Variants in ELL3 observed in about 807,000 individuals in gnomAD.
The protein encoded by ELL3 is RNA polymerase II elongation factor ELL3.
Under a neutral mutation model 58.5 loss-of-function variants are expected in ELL3, and 48 were observed. That is an observed-to-expected ratio of 0.82 (90% CI 0.65 to 1.04). The LOEUF is 1.04. Among genes scored for constraint, ELL3 ranks in the 50% least tolerant of loss-of-function variants. ELL3 has a pLI of 0.00. For missense variants in ELL3, 458 were observed against 478.4 expected (o/e 0.96, Z 0.40); for synonymous variants, 174 against 173.2 (o/e 1.00, Z -0.04).
chr15:43,775,698 C>G (rs1415157974), intron 4 of ELL3, 24 bp downstream of exon 4: 2 of 1,613,912 alleles, frequency 1.2e-6, no homozygotes, highest in Non-Finnish European at 1.7e-6. Context: ...ATCACAACTC[C>G]CTGCAATTTC....
chr15:43,774,556 C>A (rs1302571943), intron 7 of ELL3, 38 bp from the exon 8 acceptor site: 2 of 1,613,920 alleles, frequency 1.2e-6, no homozygotes, highest in Non-Finnish European at 1.7e-6. Context: ...GATTATAAGT[C>A]TTTTCCACTG....
rs759106677 is a variant in ELL3, at chr15:43,774,825, T to C, written c.646-52A>G. 7 of 1,513,682 alleles carry C rather than the reference T, an allele frequency of 4.6e-6. No individual in the cohort carries two copies. In the African/African-American group the frequency reaches 5.6e-5, roughly 12 times the overall value. 93.8% of individuals were successfully genotyped at this position (1,513,682 alleles called of 1,614,324 possible). ...TAAACAGCCAAGAGCTTCCTAAATA[T>C]GTTCTTCTCTCAAGAATTTCTCCTA... On this transcript the variant is annotated intron_variant, in intron 6 of 10. Coordinates refer to ENST00000319359, the MANE Select transcript of ELL3 (RefSeq NM_025165.3).
Position 43,776,812 on chromosome 15 carries a change from G to C in ELL3, c.90C>G (p.Asn30Lys). 6.2e-7 allele frequency: 1 copy of C among 1,611,578 alleles called. No homozygotes were observed. Among genetic ancestry groups the C allele is most frequent in the Non-Finnish European group, 8.5e-7 (1 of 1,178,888 alleles). The change falls in exon 1 of 11, where the codon AAC (asparagine) becomes AAG (lysine). Residue 30 changes from asparagine to lysine, a missense_variant. Transcript: ENST00000319359. ...CTTGCAGCGCCCGCAGGGCAGCGTC[G>C]TTGAGCCTGAGCAGTAAGAGGCTAG... Reference protein sequence around the residue: ...ARTSLLLLRLNDAALRALQEC... With the variant: ...ARTSLLLLRLKDAALRALQEC...
chr15:43,773,946 G>C (rs943392960), intron 9 of ELL3, among the ~76,000 whole-genome samples: 9 of 152,168 alleles, frequency 5.9e-5, no homozygotes, highest in African/African-American at 1.9e-4. Context: ...AGGTTGCAGC[G>C]AGCCAAGATT....
chr15:43,773,330 T>A lies in ELL3; in HGVS notation c.1057A>T (p.Ile353Phe), dbSNP rs753948777. The change falls in exon 10 of 11, where the codon ATC becomes TTC. Residue 353 changes from isoleucine (I) to phenylalanine (F), a missense_variant. Transcript: ENST00000319359. The part of the protein sequence containing the change: ...PEYKVLEDKI[I>F]QEYKKFRKQY... ...TTCCTGAACTTTTTATATTCCTGGA[T>A]TATCTTGTCTTCCAGGACCTGAAAC... is the stretch of plus-strand genomic sequence containing the variant. 19 of 1,614,144 alleles carry A rather than the reference T, an allele frequency of 1.2e-5. No homozygotes were observed. The highest frequency in any genetic ancestry group is 5.0e-5 in the Admixed American group (3 of 60,010).
At chr15:43,774,026 C>T (rs1040578773) in intron 9 of ELL3, among the ~76,000 whole-genome samples, 156 bp downstream of exon 9, 4 of 152,024 alleles carry the variant, frequency 2.6e-5, no homozygotes, top group African/African-American at 4.8e-5. Context: ...AAGTAACTTC[C>T]CTTCTCATTC....
chr15:43,773,855 GGCTGGGCA>G (rs1368594491), intron 9 of ELL3, among the ~76,000 whole-genome samples: 3 of 151,564 alleles, frequency 2.0e-5, no homozygotes, highest in African/African-American at 7.3e-5. Context: ...TACAAAAAGT[GGCTGGGCA>G]TGGTGGCACA....
In ELL3 at chr15:43,773,055, T is replaced by G. The variant is rs1389504603; in HGVS notation, c.*61A>C. 4 of 1,449,298 alleles carry G rather than the reference T, an allele frequency of 2.8e-6. No individual in the cohort carries two copies. Among genetic ancestry groups the G allele is most frequent in the Non-Finnish European group, 2.8e-6 (3 of 1,066,794 alleles). The allele number at this position is 1,449,298 out of a possible 1,614,324, so 89.8% of individuals were successfully genotyped here. ...GCAGATAGTTGCATTCTATTTAGTT[T>G]ATAGCTGCTTTGTTCCTTTGTGTTT... On this transcript the variant is annotated 3_prime_UTR_variant, in exon 11 of 11. Transcript: ENST00000319359.
intron 1 of ELL3, 85 bp from the exon 2 acceptor site, chr15:43,776,629 C>A: frequency 6.5e-7 from 1 of 1,548,280 alleles, no homozygotes; most frequent in African/African-American, 1.4e-5. Flanking sequence ...GGATCACCTG[C>A]CTAGCGGGCT....
chr15:43,776,382 C>G (rs2086917150), intron 2 of ELL3, 127 bp downstream of exon 2: 2 of 1,442,446 alleles, frequency 1.4e-6, no homozygotes, highest in South Asian at 2.5e-5. Flanking sequence ...ACTTGGAGTT[C>G]AGTTATCGGA....
chr15:43,774,118 T>C lies in ELL3; in HGVS notation c.1038+64A>G, dbSNP rs1257508297. On this transcript the variant is annotated intron_variant, in intron 9 of 10. Transcript: ENST00000319359. ...TAGTCACTTTATAAACACAGGTGTA[T>C]GGATGGTTAGCAGGGGGTTAATGGC... 13 of 1,582,584 alleles carry C rather than the reference T, an allele frequency of 8.2e-6. No individual in the cohort carries two copies. The Admixed American group carries it at 8.7e-5, about 11-fold the overall frequency.
chr15:43,774,910 A>T, intron 6 of ELL3, 137 bp from the exon 7 acceptor site: 1 of 940,180 alleles, frequency 1.1e-6, no homozygotes, highest in South Asian at 1.9e-5. Context: ...AGGTGGGGGG[A>T]TCGCTTGAGC....
chr15:43,774,245 G>A lies in ELL3; in HGVS notation c.975C>T (p.Ser325=), dbSNP rs2086898499. 3 of 1,614,110 alleles carry A rather than the reference G, an allele frequency of 1.9e-6. No individual in the cohort carries two copies. The East Asian group carries it at 6.7e-5, about 36-fold the overall frequency. Residue 325 remains serine, a synonymous_variant, in exon 9 of 11, where the codon AGC becomes AGT. Transcript: ENST00000319359. Reference sequence around the variant, plus strand: ...CTGCTCCCAGCTCTATGAACCTTTGGCTTGCAGTCCCAACACGGGCATGCA... The same window carrying A: ...CTGCTCCCAGCTCTATGAACCTTTGACTTGCAGTCCCAACACGGGCATGCA... ...RILHARVGTA[S]QRFIELGAEI...
rs1328775360 is a variant in ELL3 at position 43,773,306 on chromosome 15, T to A, written c.1081A>T (p.Lys361Ter). 1 of 1,614,230 alleles carries A rather than the reference T, an allele frequency of 6.2e-7. No individual in the cohort carries two copies. Among genetic ancestry groups the A allele is most frequent in the South Asian group, 1.1e-5 (1 of 91,090 alleles). ...TCCGTTCCCAGACCTTGTCTTACCT[T>A]CCTGAACTTTTTATATTCCTGGATT... ...KIIQEYKKFR[K>*]QYPSYREEKR... Residue 361 changes from lysine to a stop codon, truncating the protein, a stop_gained and splice_region_variant, in exon 10 of 11, where the codon AAG becomes TAG. Coordinates refer to ENST00000319359, the MANE Select transcript of ELL3 (RefSeq NM_025165.3). LOFTEE classifies it high-confidence loss of function.
chr15:43,773,658 A>G (rs2086894732), intron 9 of ELL3, among the ~76,000 whole-genome samples: 2 of 151,516 alleles, frequency 1.3e-5, no homozygotes, highest in South Asian at 4.2e-4. Flanking sequence ...AGATCACGCT[A>G]CTGCACTCCA....
chr15:43,776,524 G>A lies in ELL3; in HGVS notation c.153C>T (p.Phe51=). Residue 51 remains phenylalanine (F), a synonymous_variant, in exon 2 of 11, where the codon TTC becomes TTT. Transcript: ENST00000319359. The part of the protein sequence containing the change: ...QRQQVRPVIA[F]QGHRGYLRLP... Reference sequence around the variant, plus strand: ...TCGCACTTACCCCTCGGTGGCCTTGGAAAGCAATCACCGGCCGTACCTGCG... The same window carrying A: ...TCGCACTTACCCCTCGGTGGCCTTGAAAAGCAATCACCGGCCGTACCTGCG... 2.6e-6 allele frequency: 4 copies of A among 1,567,912 alleles called. No individual in the cohort carries two copies. The highest frequency in any genetic ancestry group is 2.6e-6 in the Non-Finnish European group (3 of 1,154,782).
At chr15:43,776,202 C>G (rs1306064587) in intron 2 of ELL3, 51 bp from the exon 3 acceptor site, 5 of 1,511,558 alleles carry the variant, frequency 3.3e-6, no homozygotes, top group South Asian at 1.1e-5. Context: ...CCTCCCCCTC[C>G]TGCCGCCGCC....
intron 6 of ELL3, 128 bp downstream of exon 6, chr15:43,775,178 T>G (rs1186543174): frequency 6.9e-6 from 6 of 872,014 alleles, no homozygotes; most frequent in Non-Finnish European, 6.9e-6. Context: ...TCTAAAAAAA[T>G]TCCTCCCATA....
intron 9 of ELL3, among the ~76,000 whole-genome samples, chr15:43,773,755 G>A (rs754519670): frequency 1.5e-4 from 23 of 151,638 alleles, no homozygotes; most frequent in African/African-American, 5.3e-4. Flanking sequence ...TAATCCCAGC[G>A]CTTTGGGAGA....
Sources: gnomAD v4.1 joint callset for allele counts (sites outside exome capture counted in the v4.1 genomes callset) on GRCh38, gnomAD v4.1.1 for gene constraint, MANE v1.5 for transcripts, NCBI Gene and HGNC (gene_info 2026-07-23, HGNC 2026-07-21) for gene names.